Variants in OSBPL1A observed in about 807,000 individuals in gnomAD.
OSBPL1A encodes oxysterol-binding protein-related protein 1.
OSBPL1A carries 80 observed loss-of-function variants against 137.1 expected under a neutral mutation model. The observed-to-expected ratio is 0.58, with a 90% CI of 0.49 to 0.70. The LOEUF is 0.70. Ranked by LOEUF, OSBPL1A falls within the 30% of genes least tolerant of loss-of-function variation. The pLI is 0.00. For synonymous variants in OSBPL1A, 365 were observed against 389.7 expected (o/e 0.94, Z 0.75); for missense variants, 970 against 1,129.4 (o/e 0.86, Z 2.02).
intron 14 of OSBPL1A, among the ~76,000 whole-genome samples, chr18:24,295,785 TCAAAGATC>T (rs1200789990): frequency 6.6e-6 from 1 of 152,172 alleles, no homozygotes; most frequent in Admixed American, 6.5e-5. Flanking sequence ...GTATGCTTTG[TCAAAGATC>T]AGTTGGCTGT....
Position 24,271,713 on chromosome 18 carries a change from C to G in OSBPL1A, c.1281+9129G>C, listed in dbSNP as rs2089722874. Reference sequence around the variant, plus strand: ...ATGCGCTCGGCCTGCTCCTCCTCCTCCCCTCCAGTCGAGCCGAGGCGAGCC... The same window carrying G: ...ATGCGCTCGGCCTGCTCCTCCTCCTGCCCTCCAGTCGAGCCGAGGCGAGCC... On this transcript the variant is annotated intron_variant, in intron 15 of 27. Coordinates refer to ENST00000319481, the MANE Select transcript of OSBPL1A (RefSeq NM_080597.4). This position sits in a 1 kb window ranked among gnomAD's most constrained non-coding sequence, Gnocchi z 4.0. 1 of 985,590 alleles carries G rather than the reference C, an allele frequency of 1.0e-6. No individual in the cohort carries two copies. Among genetic ancestry groups the G allele is most frequent in the South Asian group, 4.7e-5 (1 of 21,304 alleles). The allele number at this position is 985,590 out of a possible 1,614,324, so 61.1% of individuals were successfully genotyped here.
intron 14 of OSBPL1A, among the ~76,000 whole-genome samples, chr18:24,293,392 G>C (rs535870992): frequency 6.6e-6 from 1 of 152,120 alleles, no homozygotes; most frequent in Non-Finnish European, 1.5e-5. Flanking sequence ...GCCCTGAAAC[G>C]ACTTCCTCTC....
chr18:24,313,946 C>CA (rs5823424), intron 12 of OSBPL1A, among the ~76,000 whole-genome samples: 50,815 of 150,618 alleles, frequency 0.34, 9,648 homozygotes, highest in Middle Eastern at 0.46. Context: ...TGCTAAAATA[C>CA]AAAAAAAAAT....
intron 2 of OSBPL1A, among the ~76,000 whole-genome samples, chr18:24,372,818 C>A (rs1445556777): frequency 6.6e-6 from 1 of 152,112 alleles, no homozygotes; most frequent in Admixed American, 6.5e-5. Flanking sequence ...AATCCCAGCA[C>A]CTTGGGAGGC....
chr18:24,356,239 T>C (rs2091533142), intron 4 of OSBPL1A, among the ~76,000 whole-genome samples: 1 of 151,772 alleles, frequency 6.6e-6, no homozygotes, highest in Non-Finnish European at 1.5e-5. Context: ...ACTTTGGACA[T>C]AGAACTATTT....
intron 16 of OSBPL1A, among the ~76,000 whole-genome samples, chr18:24,227,823 C>T (rs1051428703): frequency 6.6e-6 from 1 of 152,050 alleles, no homozygotes; most frequent in African/African-American, 2.4e-5. Context: ...ATAATTTCGT[C>T]TGTACTGGTA....
intron 20 of OSBPL1A, chr18:24,178,896 C>G (rs556797046): frequency 6.6e-6 from 1 of 152,220 alleles, no homozygotes; most frequent in African/African-American, 2.4e-5. Context: ...AATAAAGTCC[C>G]TTAATCATAT....
At chr18:24,247,699 G>A (rs1054823163) in intron 15 of OSBPL1A, among the ~76,000 whole-genome samples, 15 of 80 alleles carry the variant, frequency 0.19, no homozygotes, top group Non-Finnish European at 0.23. Flanking sequence ...TGAACTCCCG[G>A]GACTCAAACA....
At chr18:24,328,137 CT>C (rs1254820653) in intron 7 of OSBPL1A, among the ~76,000 whole-genome samples, 1 of 145,764 alleles carries the variant, frequency 6.9e-6, no homozygotes, top group Non-Finnish European at 1.5e-5. Context: ...CACCTCCTGG[CT>C]TCAAGCAGTT....
chr18:24,368,047 T>C (rs1905288246), intron 3 of OSBPL1A: 1 of 303,528 alleles, frequency 3.3e-6, no homozygotes, highest in Admixed American at 4.8e-5. Context: ...ATATGCCTAC[T>C]TTTATTATTT....
chr18:24,365,025 C>CAAAAAAAAAAA (rs56400717), intron 4 of OSBPL1A, among the ~76,000 whole-genome samples: 11 of 89,682 alleles, frequency 1.2e-4, no homozygotes, highest in Admixed American at 1.5e-4. Flanking sequence ...AAAACAACAA[C>CAAAAAAAAAAA]AAAAAAAAAA....
chr18:24,320,176 T>A (rs1486534750), intron 7 of OSBPL1A, among the ~76,000 whole-genome samples: 1 of 152,020 alleles, frequency 6.6e-6, no homozygotes, highest in South Asian at 2.1e-4. Context: ...TTTTTTTGTA[T>A]GATATCCCCT....
rs575689462 is a variant in OSBPL1A at position 24,365,031 on chromosome 18, A to C, written c.282+1861T>G. 1.4e-3 allele frequency among the ~76,000 whole-genome samples: 209 copies of C among 149,774 alleles called. 2 individuals are homozygous for C. The highest frequency in any genetic ancestry group is 5.0e-3 in the African/African-American group (203 of 40,728). On this transcript the variant is annotated intron_variant, in intron 4 of 27. Transcript: ENST00000319481. ...CTGTCTCAAAAAACAACAACAAAAA[A>C]AAAAAAAAAAAAAAAAATCCAGAAA...
chr18:24,371,152 C>T (rs1670195415), intron 2 of OSBPL1A, among the ~76,000 whole-genome samples: 1 of 152,264 alleles, frequency 6.6e-6, no homozygotes, highest in Admixed American at 6.5e-5. Context: ...CCCAGTTTCT[C>T]CATAACCACA....
At chr18:24,329,988 T>C (rs935851266) in intron 7 of OSBPL1A, among the ~76,000 whole-genome samples, 3 of 152,194 alleles carry the variant, frequency 2.0e-5, no homozygotes, top group Non-Finnish European at 4.4e-5. Context: ...TCAAAGCTGA[T>C]TGGTTATGTG....
chr18:24,315,905 TTATATAA>T (rs1014619511), intron 11 of OSBPL1A, among the ~76,000 whole-genome samples: 1 of 134,218 alleles, frequency 7.5e-6, no homozygotes, highest in Non-Finnish European at 1.5e-5. Context: ...ATATTATATA[TTATATAA>T]TATTATAATT....
chr18:24,334,819 A>T (rs2091145444), intron 5 of OSBPL1A, among the ~76,000 whole-genome samples: 1 of 152,210 alleles, frequency 6.6e-6, no homozygotes, highest in Admixed American at 6.5e-5. Context: ...ATCTGTCCAT[A>T]ACTTTAGCCA....
chr18:24,257,869 TG>T (rs1396484140), intron 15 of OSBPL1A, among the ~76,000 whole-genome samples: 1 of 152,110 alleles, frequency 6.6e-6, no homozygotes, highest in Non-Finnish European at 1.5e-5. Flanking sequence ...AACAGGCATA[TG>T]AAAAGGCGCT....
intron 15 of OSBPL1A, among the ~76,000 whole-genome samples, chr18:24,268,324 T>G (rs2089633183): frequency 6.6e-6 from 1 of 152,082 alleles, no homozygotes; most frequent in Non-Finnish European, 1.5e-5. Flanking sequence ...TTCACTATGC[T>G]GCTGAGGCTG....
Sources: allele counts gnomAD v4.1 joint callset (sites outside exome capture counted in the v4.1 genomes callset), GRCh38; gene constraint gnomAD v4.1.1; non-coding constraint Gnocchi (gnomAD v3.1); transcripts MANE v1.5; gene names NCBI Gene and HGNC (gene_info 2026-07-23, HGNC 2026-07-21).